The following PDE10A variants were observed in gnomAD, a reference collection of about 807,000 sequenced individuals.
The protein encoded by PDE10A is cAMP and cAMP-inhibited cGMP 3',5'-cyclic phosphodiesterase 10A.
PDE10A carries 39 observed loss-of-function variants against 97.7 expected under a neutral mutation model. The ratio of observed to expected loss-of-function variants is 0.40; its 90% CI spans 0.31 to 0.52. PDE10A has a LOEUF of 0.52. Ranked by LOEUF, PDE10A falls within the 20% of genes least tolerant of loss-of-function variation. The probability of loss-of-function intolerance (pLI) is 0.56; values close to 1 mark genes in which losing one functional copy is unlikely to be tolerated. For missense variants in PDE10A, 731 were observed against 1,047.8 expected, an observed-to-expected ratio of 0.70 and a Z score of 4.17; for synonymous variants, 371 against 376.8, an observed-to-expected ratio of 0.98 and a Z score of 0.18.
chr6:165,840,381 A>T (rs1444756892), intron 1 of PDE10A, among the ~76,000 whole-genome samples: 2 of 152,220 alleles, frequency 1.3e-5, no homozygotes, highest in Non-Finnish European at 2.9e-5. Context: ...TTTACTTAGC[A>T]AGAATTTCCT....
Position 165,691,203 on chromosome 6 carries a change from C to CCACACA in PDE10A, c.-614-147641_-614-147636dup, listed in dbSNP as rs1241239698. On this transcript the variant is annotated intron_variant, in intron 1 of 19. Transcript: ENST00000366882. ...TCTCTCTCTCCCTCTCTCTCTCTCC[C>CCACACA]CACACACACACACACACACACACAC... Among the ~76,000 whole-genome samples the CCACACA allele has an allele frequency of 2.5e-3, 268 of 108,596 alleles. 11 individuals carry two copies. Among genetic ancestry groups the CCACACA allele is most frequent in the South Asian group, 0.021 (61 of 2,958 alleles). The allele number at this position is 108,596 out of a possible 152,430, so 71.2% of individuals were successfully genotyped here. A position where few individuals can be genotyped will look rare whatever the true frequency, so the allele number is the denominator to read the frequency against.
intron 1 of PDE10A, among the ~76,000 whole-genome samples, chr6:165,980,630 C>A (rs1427646657): frequency 6.6e-6 from 1 of 152,186 alleles, no homozygotes; most frequent in Non-Finnish European, 1.5e-5. Flanking sequence ...TATCACCCTG[C>A]ATGTGCTCAG....
intron 1 of PDE10A, among the ~76,000 whole-genome samples, chr6:165,712,627 CTTTCTTTTT>C (rs1283372281): frequency 2.6e-5 from 3 of 115,354 alleles, no homozygotes; most frequent in East Asian, 5.3e-4. Flanking sequence ...TTTCAACTTT[CTTTCTTTTT>C]TTTTTTTTTT....
chr6:165,917,604 C>T (rs1328287707), intron 1 of PDE10A, among the ~76,000 whole-genome samples: 1 of 152,182 alleles, frequency 6.6e-6, no homozygotes, highest in East Asian at 1.9e-4. Flanking sequence ...TATCTAGCTT[C>T]CTAAAATGGT....
At chr6:165,408,881 T>C (rs1393196740) in intron 13 of PDE10A, among the ~76,000 whole-genome samples, 2 of 152,016 alleles carry the variant, frequency 1.3e-5, no homozygotes, top group African/African-American at 2.4e-5. Context: ...AGTTAAAAAA[T>C]GGGGCAGGGC....
chr6:165,833,870 A>T (rs1230233975), intron 1 of PDE10A, among the ~76,000 whole-genome samples: 1 of 152,232 alleles, frequency 6.6e-6, no homozygotes, highest in Non-Finnish European at 1.5e-5. Flanking sequence ...CGTGGAGGAA[A>T]TGCCATCAGC....
intron 1 of PDE10A, among the ~76,000 whole-genome samples, chr6:165,659,544 A>T (rs1790130629): frequency 6.6e-6 from 1 of 152,204 alleles, no homozygotes; most frequent in African/African-American, 2.4e-5. Flanking sequence ...CCCCTTCCCA[A>T]GCTTGAGTGA....
At position 165,580,686 on chromosome 6, in the gene PDE10A, C is replaced by T. The variant is rs1022057381; in HGVS notation, c.866-37118G>A. On this transcript the variant is annotated intron_variant, in intron 1 of 21. Transcript: ENST00000539869. ...AAAGATAAGTACCACCTTTCAAACT[C>T]ACATATATATGGTGTAATGAGAAAG... is the stretch of plus-strand genomic sequence containing the variant. Among the ~76,000 whole-genome samples the T allele has an allele frequency of 4.6e-5, 7 of 152,254 alleles. No homozygotes were observed. In the East Asian group the frequency reaches 9.7e-4, roughly 21 times the overall value.
At chr6:165,526,184 T>C (rs1782434839) in intron 2 of PDE10A, among the ~76,000 whole-genome samples, 1 of 152,208 alleles carries the variant, frequency 6.6e-6, no homozygotes, top group Non-Finnish European at 1.5e-5. Flanking sequence ...TTTTGGGTAC[T>C]AGTGGACACT....
intron 3 of PDE10A, among the ~76,000 whole-genome samples, chr6:165,480,156 G>C (rs1253433200): frequency 2.0e-5 from 3 of 152,168 alleles, no homozygotes; most frequent in Admixed American, 6.5e-5. Context: ...TAGAAACTAA[G>C]ATGTTTTACT....
intron 1 of PDE10A, among the ~76,000 whole-genome samples, chr6:165,817,952 A>G (rs1434191204): frequency 6.6e-6 from 1 of 152,214 alleles, no homozygotes; most frequent in African/African-American, 2.4e-5. Flanking sequence ...TAGAAGTAAC[A>G]TGTCCCACCT....
At chr6:165,458,527 G>A (rs773455596) in intron 3 of PDE10A, among the ~76,000 whole-genome samples, 4 of 151,988 alleles carry the variant, frequency 2.6e-5, no homozygotes, top group Non-Finnish European at 4.4e-5. Flanking sequence ...TGTTTATTAC[G>A]CCACCAGTCT....
chr6:165,441,960 A>AT (rs34639872), intron 5 of PDE10A, among the ~76,000 whole-genome samples: 7 of 152,264 alleles, frequency 4.6e-5, no homozygotes, highest in Admixed American at 6.5e-5. Context: ...AGGTTTTCAC[A>AT]TTTGTTAGTA....
chr6:165,501,358 G>A (rs536921711), intron 2 of PDE10A, among the ~76,000 whole-genome samples: 4 of 152,194 alleles, frequency 2.6e-5, no homozygotes, highest in Admixed American at 6.5e-5. Context: ...TCAGGAGATC[G>A]AGACCATCCT....
intron 1 of PDE10A, among the ~76,000 whole-genome samples, chr6:165,787,701 A>G (rs1475092892): frequency 6.6e-6 from 1 of 152,080 alleles, no homozygotes; most frequent in Non-Finnish European, 1.5e-5. Context: ...ATTCAATAAA[A>G]CTCATTGAAC....
chr6:165,529,577 A>G (rs1782651830), intron 2 of PDE10A, among the ~76,000 whole-genome samples: 1 of 152,228 alleles, frequency 6.6e-6, no homozygotes, highest in African/African-American at 2.4e-5. Flanking sequence ...GAGGACTGCA[A>G]CTGTCATGAA....
chr6:165,474,031 CAACT>C (rs1221213759), intron 3 of PDE10A, among the ~76,000 whole-genome samples: 1 of 152,198 alleles, frequency 6.6e-6, no homozygotes, highest in Non-Finnish European at 1.5e-5. Context: ...ATTATGATCA[CAACT>C]AGTCAGACGT....
At chr6:165,583,773 C>T (rs117758259) in intron 1 of PDE10A, among the ~76,000 whole-genome samples, 5,930 of 152,230 alleles carry the variant, frequency 0.039, 140 homozygotes, top group Middle Eastern at 0.088. Flanking sequence ...ATGTATGATA[C>T]CGTTTCTCCC....
At chr6:165,715,044 C>A (rs1277285406) in intron 1 of PDE10A, among the ~76,000 whole-genome samples, 1 of 152,242 alleles carries the variant, frequency 6.6e-6, no homozygotes, top group African/African-American at 2.4e-5. Context: ...TGGGCAGGAA[C>A]CCACGGGCCG....
Sources: allele counts gnomAD v4.1 joint callset (sites outside exome capture counted in the v4.1 genomes callset), GRCh38; gene constraint gnomAD v4.1.1; transcripts MANE v1.5; gene names NCBI Gene and HGNC (gene_info 2026-07-23, HGNC 2026-07-21).